The following DNASE1 variants were observed in gnomAD, a reference collection of about 807,000 sequenced individuals.
DNASE1 encodes deoxyribonuclease 1.
In DNASE1, 40 loss-of-function variants were observed where a neutral mutation model predicts 33.9. The observed-to-expected ratio is 1.18, with a 90% CI of 0.92 to 1.54. The LOEUF (loss-of-function observed/expected upper bound fraction) is 1.54, where lower values mean the gene tolerates loss of function less well. Among genes scored for constraint, DNASE1 ranks in the 40% most tolerant of loss-of-function variants. DNASE1 has a pLI of 0.00. For missense variants in DNASE1, 518 were observed against 372.6 expected, an observed-to-expected ratio of 1.39 and a Z score of -3.21; for synonymous variants, 216 against 160.0, an observed-to-expected ratio of 1.35 and a Z score of -2.64.
At chr16:3,657,877 G>A (rs2042797562) in intron 8 of DNASE1, 29 bp from the exon 9 acceptor site, 1 of 1,613,872 alleles carries the variant, frequency 6.2e-7, no homozygotes, top group African/African-American at 1.3e-5. Flanking sequence ...GGTAGGCTCA[G>A]CCCAGACCCT....
upstream of DNASE1, chr16:3,652,533 A>G (rs2042369631): frequency 6.6e-6 from 1 of 152,254 alleles, no homozygotes; most frequent in East Asian, 1.9e-4. Flanking sequence ...GGGAAGAACC[A>G]TTGCTGAAAC....
chr16:3,641,595 C>T (rs961263889), upstream of DNASE1, among the ~76,000 whole-genome samples: 1 of 152,210 alleles, frequency 6.6e-6, no homozygotes, highest in African/African-American at 2.4e-5. Context: ...AATGGCTTCT[C>T]CATGTAGTTC....
intron 2 of DNASE1, 134 bp from the exon 3 acceptor site, chr16:3,655,712 CAGG>C (rs2042561078): frequency 7.2e-7 from 1 of 1,382,688 alleles, no homozygotes; most frequent in Non-Finnish European, 1.0e-6. Flanking sequence ...TGGCTGGCAG[CAGG>C]AGCCCAGGCA....
In DNASE1 at chr16:3,654,782, T is replaced by C. The variant is rs532389515; in HGVS notation, c.-264T>C. On this transcript the variant is annotated 5_prime_UTR_variant, in exon 1 of 9. Coordinates refer to ENST00000246949, the MANE Select transcript of DNASE1 (RefSeq NM_005223.4). ...CGGAAAGCCACACAGAGCCATTGTTTTCTGCACTCTCAGGTGACGGCTCAC... is the reference window on the plus strand; with the variant it reads ...CGGAAAGCCACACAGAGCCATTGTTCTCTGCACTCTCAGGTGACGGCTCAC... 10 of 400,692 alleles carry C rather than the reference T, an allele frequency of 2.5e-5. No individual in the cohort carries two copies. The highest frequency in any genetic ancestry group is 2.2e-5 in the Non-Finnish European group (5 of 227,704). The allele number at this position is 400,692 out of a possible 1,614,324, so 24.8% of individuals were successfully genotyped here.
upstream of DNASE1, among the ~76,000 whole-genome samples, chr16:3,640,084 C>G (rs929804537): frequency 6.6e-6 from 1 of 152,208 alleles, no homozygotes; most frequent in East Asian, 1.9e-4. Context: ...GGGTGATGGC[C>G]TTCTGCGGAG....
At chr16:3,658,217 G>A (rs145077996), downstream of DNASE1, 48 of 1,613,770 alleles carry the variant, frequency 3.0e-5, no homozygotes, top group Non-Finnish European at 4.0e-5. Flanking sequence ...AGCAATCATG[G>A]CGTTCTCGTA....
At chr16:3,612,809 C>G (rs1437012763) in intron 1 of DNASE1, among the ~76,000 whole-genome samples, 1 of 151,976 alleles carries the variant, frequency 6.6e-6, no homozygotes, top group Non-Finnish European at 1.5e-5. Flanking sequence ...TGAGAGCGGC[C>G]CGAATTAGGA....
chr16:3,619,711 A>T (rs774792016), intron 1 of DNASE1, among the ~76,000 whole-genome samples: 2 of 150,958 alleles, frequency 1.3e-5, no homozygotes, highest in East Asian at 2.0e-4. Context: ...AGGTCTTGCT[A>T]TGTTGCCCAG....
intron 1 of DNASE1, among the ~76,000 whole-genome samples, chr16:3,616,725 C>T (rs12149723): frequency 2.2e-4 from 33 of 152,200 alleles, no homozygotes; most frequent in Non-Finnish European, 3.7e-4. Context: ...CAAGAACGTA[C>T]TTCCTTATAT....
downstream of DNASE1, chr16:3,663,065 C>T (rs2043175198): frequency 4.4e-6 from 4 of 912,574 alleles, no homozygotes; most frequent in South Asian, 6.6e-5. Flanking sequence ...ACCTCCTCTC[C>T]CACCAGGATG....
At chr16:3,653,596 C>G (rs563549905), upstream of DNASE1, 25 of 152,050 alleles carry the variant, frequency 1.6e-4, no homozygotes, top group Admixed American at 1.6e-3. Flanking sequence ...ATCACAAGGT[C>G]ACGAGTTTGA....
At chr16:3,629,219 A>G (rs1005252033) in intron 1 of DNASE1, among the ~76,000 whole-genome samples, 19 of 151,840 alleles carry the variant, frequency 1.3e-4, no homozygotes, top group Admixed American at 1.2e-3. Flanking sequence ...CTCGGGTTTA[A>G]CAATGTAGGT....
chr16:3,663,280 C>G, exon 10 of DNASE1: 6 of 1,078,138 alleles, frequency 5.6e-6, no homozygotes, highest in Non-Finnish European at 7.9e-6. Flanking sequence ...CTCCAGTCAC[C>G]AGGGTGCTCC....
At chr16:3,636,784 T>C (rs2041880168) in intron 1 of DNASE1, among the ~76,000 whole-genome samples, 1 of 144,974 alleles carries the variant, frequency 6.9e-6, no homozygotes, top group South Asian at 2.2e-4. Flanking sequence ...CATGCCACAG[T>C]ACTCCAGCCT....
At chr16:3,658,834 G>GCAGCTGA, downstream of DNASE1, 1 of 1,613,986 alleles carries the variant, frequency 6.2e-7, no homozygotes, top group Non-Finnish European at 8.5e-7. Flanking sequence ...TCGCTTGCGC[G>GCAGCTGA]CAGCTGATTC....
intron 1 of DNASE1, among the ~76,000 whole-genome samples, chr16:3,612,706 G>T (rs1289561410): frequency 1.3e-5 from 2 of 152,144 alleles, no homozygotes. Context: ...ACCACGCCCG[G>T]CGTAAGATTT....
chr16:3,663,450 T>G (rs2050737870), exon 10 of DNASE1: 1 of 1,613,946 alleles, frequency 6.2e-7, no homozygotes. Flanking sequence ...AAACTTCTCC[T>G]CCTTGTAGTG....
At chr16:3,656,943 G>A in intron 5 of DNASE1, 56 bp from the exon 6 acceptor site, 1 of 1,592,592 alleles carries the variant, frequency 6.3e-7, no homozygotes, top group Non-Finnish European at 8.5e-7. Context: ...CAGCTGACAT[G>A]GTGACTGAAC....
chr16:3,631,867 G>A (rs934617741), intron 1 of DNASE1, among the ~76,000 whole-genome samples: 1 of 152,144 alleles, frequency 6.6e-6, no homozygotes, highest in Non-Finnish European at 1.5e-5. Context: ...GTCTTCTTTT[G>A]TGTTTAGCTG....
Sources: allele counts gnomAD v4.1 joint callset (sites outside exome capture counted in the v4.1 genomes callset), GRCh38; gene constraint gnomAD v4.1.1; transcripts MANE v1.5; gene names NCBI Gene and HGNC (gene_info 2026-07-23, HGNC 2026-07-21).